FHIP1A: variants seen among roughly 807,000 people sequenced by gnomAD.
FHIP1A encodes the protein FHF complex subunit HOOK interacting protein 1A.
In FHIP1A, 61 loss-of-function variants were observed where a neutral mutation model predicts 88.6. That is an observed-to-expected ratio of 0.69 (90% CI 0.56 to 0.85). The LOEUF (loss-of-function observed/expected upper bound fraction) is 0.85, where lower values mean the gene tolerates loss of function less well. Among genes scored for constraint, FHIP1A ranks in the 40% least tolerant of loss-of-function variants. FHIP1A has a pLI of 0.00. For synonymous variants in FHIP1A, 478 were observed against 496.0 expected, an observed-to-expected ratio of 0.96 and a Z score of 0.48; for missense variants, 1,154 against 1,273.5, an observed-to-expected ratio of 0.91 and a Z score of 1.43.
intron 1 of FHIP1A, among the ~76,000 whole-genome samples, chr4:151,424,115 G>A (rs1733279493): frequency 6.6e-6 from 1 of 152,096 alleles, no homozygotes; most frequent in Non-Finnish European, 1.5e-5. Context: ...ATTTTGGGGT[G>A]TGGCTGCAGC....
chr4:151,419,528 A>G (rs1319628133), intron 1 of FHIP1A, among the ~76,000 whole-genome samples: 3 of 147,986 alleles, frequency 2.0e-5, no homozygotes, highest in Non-Finnish European at 3.0e-5. Flanking sequence ...GCTCTGTGCA[A>G]ATCCTTTGCT....
chr4:151,578,800 G>C (rs1244435596), intron 5 of FHIP1A, among the ~76,000 whole-genome samples: 4 of 152,186 alleles, frequency 2.6e-5, no homozygotes, highest in Non-Finnish European at 5.9e-5. Context: ...GCACATGGAT[G>C]TTTATAGAAG....
chr4:151,556,143 G>T (rs1485683555), intron 3 of FHIP1A, among the ~76,000 whole-genome samples: 1 of 152,044 alleles, frequency 6.6e-6, no homozygotes, highest in Non-Finnish European at 1.5e-5. Flanking sequence ...GGAGCCTTCA[G>T]AACTAAACAT....
At chr4:151,471,483 T>C (rs1729511297) in intron 2 of FHIP1A, among the ~76,000 whole-genome samples, 1 of 152,122 alleles carries the variant, frequency 6.6e-6, no homozygotes, top group South Asian at 2.1e-4. Flanking sequence ...CCATAACTTC[T>C]AAAAGAAAAT....
intron 13 of FHIP1A, among the ~76,000 whole-genome samples, chr4:151,659,731 C>A (rs898083721): frequency 6.6e-6 from 1 of 152,220 alleles, no homozygotes; most frequent in Non-Finnish European, 1.5e-5. Context: ...GCGTCTGTAG[C>A]CAGAGCTGCT....
At chr4:151,526,424 GCCGGGCGGGGGGCTGA>G (rs1231123360) in intron 3 of FHIP1A, among the ~76,000 whole-genome samples, 3 of 144,052 alleles carry the variant, frequency 2.1e-5, no homozygotes, top group South Asian at 2.2e-4. Context: ...GGGGTGGCTG[GCCGGGCGGGGGGCTGA>G]CCCCCCCACC....
At chr4:151,432,649 G>T (rs1733638005) in intron 1 of FHIP1A, among the ~76,000 whole-genome samples, 2 of 152,174 alleles carry the variant, frequency 1.3e-5, no homozygotes, top group Non-Finnish European at 2.9e-5. Context: ...TTCCATTTGT[G>T]CAGTGATCAA....
At chr4:151,581,002 C>A (rs755548991) in intron 5 of FHIP1A, among the ~76,000 whole-genome samples, 2 of 152,138 alleles carry the variant, frequency 1.3e-5, no homozygotes, top group South Asian at 4.1e-4. Flanking sequence ...GGACTACAGG[C>A]GTGTGCCACC....
intron 9 of FHIP1A, among the ~76,000 whole-genome samples, chr4:151,639,187 TAC>T (rs975715233): frequency 9.2e-5 from 14 of 152,250 alleles, no homozygotes; most frequent in Non-Finnish European, 1.5e-4. Context: ...TTGATAATGA[TAC>T]ACACAGTGTA....
chr4:151,490,946 GA>G (rs1439236710), intron 3 of FHIP1A, among the ~76,000 whole-genome samples: 1 of 151,350 alleles, frequency 6.6e-6, no homozygotes, highest in African/African-American at 2.4e-5. Flanking sequence ...CAAAGACTAA[GA>G]AAAAAAGAAT....
intron 11 of FHIP1A, among the ~76,000 whole-genome samples, chr4:151,653,403 T>C (rs1000448429): frequency 1.3e-5 from 2 of 151,940 alleles, no homozygotes; most frequent in East Asian, 3.9e-4. Flanking sequence ...TCTCTCTCCT[T>C]GGCAGGCAAG....
chr4:151,574,880 T>A (rs1394620351), intron 4 of FHIP1A, among the ~76,000 whole-genome samples: 2 of 151,736 alleles, frequency 1.3e-5, no homozygotes, highest in Non-Finnish European at 2.9e-5. Context: ...TGATTCTAAT[T>A]CTCTTATTCT....
chr4:151,649,316 T>C (rs1736910311), intron 10 of FHIP1A, 143 bp from the exon 11 acceptor site: 1 of 574,756 alleles, frequency 1.7e-6, no homozygotes, highest in Non-Finnish European at 3.1e-6. Context: ...CTAACCATAT[T>C]ATTCAGAGGT....
At chr4:151,588,071 T>C (rs1445440726) in intron 6 of FHIP1A, among the ~76,000 whole-genome samples, 1 of 152,076 alleles carries the variant, frequency 6.6e-6, no homozygotes, top group Non-Finnish European at 1.5e-5. Context: ...ATAAAGCTAA[T>C]GGGCATGGTA....
intron 3 of FHIP1A, among the ~76,000 whole-genome samples, chr4:151,501,111 C>T (rs921664767): frequency 6.6e-6 from 1 of 152,054 alleles, no homozygotes; most frequent in South Asian, 2.1e-4. Flanking sequence ...GTAATAAAGG[C>T]AATATAAACA....
chr4:151,539,431 G>A (rs541217372), intron 3 of FHIP1A, among the ~76,000 whole-genome samples: 2 of 152,120 alleles, frequency 1.3e-5, no homozygotes, highest in South Asian at 2.1e-4. Flanking sequence ...GGGCATGATG[G>A]TGGGTGCCTC....
At chr4:151,414,046 G>GTTTT (rs111719663) in intron 1 of FHIP1A, among the ~76,000 whole-genome samples, 72,671 of 150,492 alleles carry the variant, frequency 0.48, 17,864 homozygotes, top group Non-Finnish European at 0.54. Flanking sequence ...TATCTAGTTA[G>GTTTT]TGTTTGTTTG....
intron 4 of FHIP1A, among the ~76,000 whole-genome samples, chr4:151,573,703 T>C (rs997732940): frequency 2.0e-5 from 3 of 151,894 alleles, no homozygotes; most frequent in African/African-American, 7.3e-5. Flanking sequence ...GGGGAGCCAC[T>C]GTGAGCAGCA....
In FHIP1A at chr4:151,577,483, A is replaced by C. The variant is rs570334211; in HGVS notation, c.139A>C (p.Lys47Gln). ...VKILEKHDPL[K>Q]NTQAKYGSIP... ...AATCTTGGAGAAGCACGACCCCTTG[A>C]AGAACACCCAGGCAAAATATGGGTC... The change falls in exon 5 of 14, where the codon AAG becomes CAG. Residue 47 changes from lysine to glutamine, a missense_variant. Lys to Gln is a moderately conservative substitution (Grantham distance 53). Transcript: ENST00000435205. 6.5e-7 allele frequency: 1 copy of C among 1,545,512 alleles called. No individual in the cohort carries two copies. The highest frequency in any genetic ancestry group is 8.8e-7 in the Non-Finnish European group (1 of 1,142,632).
Sources: allele counts gnomAD v4.1 joint callset (sites outside exome capture counted in the v4.1 genomes callset), GRCh38; gene constraint gnomAD v4.1.1; transcripts MANE v1.5; gene names NCBI Gene and HGNC (gene_info 2026-07-23, HGNC 2026-07-21).